Variants in SPTBN4 observed in about 807,000 individuals in gnomAD.
SPTBN4 encodes the protein spectrin beta chain, non-erythrocytic 4.
Under a neutral mutation model 277.8 loss-of-function variants are expected in SPTBN4, and 96 were observed. The ratio of observed to expected loss-of-function variants is 0.35; its 90% CI spans 0.29 to 0.41. The LOEUF is 0.41. Ranked by LOEUF, SPTBN4 falls within the 10% of genes least tolerant of loss-of-function variation. SPTBN4 has a pLI of 1.00. For missense variants in SPTBN4, 3,006 were observed against 3,595.7 expected (o/e 0.84, Z 4.19); for synonymous variants, 1,481 against 1,580.3 (o/e 0.94, Z 1.49).
rs955707857 is a variant in SPTBN4 at position 40,534,560 on chromosome 19, G to T, written c.4359+217G>T. 7.1e-5 allele frequency: 43 copies of T among 608,998 alleles called. No individual in the cohort carries two copies. The East Asian group carries it at 1.3e-3, about 18-fold the overall frequency. The allele number at this position is 608,998 out of a possible 1,614,324, so 37.7% of individuals were successfully genotyped here. A position where few individuals can be genotyped will look rare whatever the true frequency, so the allele number is the denominator to read the frequency against. Reference sequence around the variant, plus strand: ...AAGGTATGGAGTACAAAGGGAAAAGGAAGGATCTAGAGCCACAAAGCAGTA... The same window carrying T: ...AAGGTATGGAGTACAAAGGGAAAAGTAAGGATCTAGAGCCACAAAGCAGTA... On this transcript the variant is annotated intron_variant, in intron 20 of 35. Coordinates refer to ENST00000598249, the MANE Select transcript of SPTBN4 (RefSeq NM_020971.3).
At position 40,489,989 on chromosome 19, in the gene SPTBN4, C is replaced by G; in HGVS notation, c.322-86C>G. On this transcript the variant is annotated intron_variant, in intron 3 of 35. Coordinates refer to ENST00000598249, the MANE Select transcript of SPTBN4 (RefSeq NM_020971.3). ...ACTCAGGGGGCGTGGCCACGGGAGG[C>G]GGGCTTCTTTGGAAGCTGCGGGGCC... is the stretch of plus-strand genomic sequence containing the variant. The G allele has an allele frequency of 5.0e-6, 7 of 1,398,684 alleles. No homozygotes were observed. In the South Asian group the frequency reaches 1.0e-4, roughly 21 times the overall value. 86.6% of individuals were successfully genotyped at this position (1,398,684 alleles called of 1,614,324 possible). A position where few individuals can be genotyped will look rare whatever the true frequency, so the allele number is the denominator to read the frequency against.
chr19:40,543,421 C>A (rs937559902), intron 20 of SPTBN4, among the ~76,000 whole-genome samples: 7 of 152,002 alleles, frequency 4.6e-5, no homozygotes, highest in African/African-American at 1.4e-4. Context: ...ACCCATGACT[C>A]TCTAGGTTTC....
intron 19 of SPTBN4, 91 bp downstream of exon 19, chr19:40,532,862 C>T: frequency 6.8e-7 from 1 of 1,460,152 alleles, no homozygotes; most frequent in South Asian, 1.4e-5. Flanking sequence ...TGCTGCCATC[C>T]TGCTGGTCTT....
intron 22 of SPTBN4, among the ~76,000 whole-genome samples, chr19:40,551,520 GGGGGC>G (rs1359398759): frequency 6.6e-6 from 1 of 152,156 alleles, no homozygotes; most frequent in Non-Finnish European, 1.5e-5. Context: ...AGGTGGGGGA[GGGGGC>G]CTTTGAGCTC....
intron 33 of SPTBN4, chr19:40,570,949 G>A: frequency 1.9e-6 from 1 of 532,340 alleles, no homozygotes; most frequent in Non-Finnish European, 3.3e-6. Flanking sequence ...CCAACCCGTG[G>A]GGGTAGTAGG....
At chr19:40,549,539 C>A in intron 21 of SPTBN4, 126 bp downstream of exon 21, 1 of 690,612 alleles carries the variant, frequency 1.4e-6, no homozygotes, top group Non-Finnish European at 2.3e-6. Context: ...AAGACGCATT[C>A]AGCCGTTCAC....
Position 40,557,339 on chromosome 19 carries a change from G to T in SPTBN4, c.5606G>T (p.Ser1869Ile), listed in dbSNP as rs770497687. 3 of 1,611,580 alleles carry T rather than the reference G, an allele frequency of 1.9e-6. No homozygotes were observed. The highest frequency in any genetic ancestry group is 1.7e-4 in the Middle Eastern group (1 of 6,042). ...RLTTPPEPRP[S>I]ASSMQRTLRA... The stretch of plus-strand genomic sequence containing the variant: ...ACCACCCCGCCTGAGCCGAGACCCA[G>T]TGCCAGTTCCATGCAGCGGACCCTG... Residue 1869 changes from serine (S) to isoleucine (I), a missense_variant, in exon 26 of 36, where the codon AGT becomes ATT. Coordinates refer to ENST00000598249, the MANE Select transcript of SPTBN4 (RefSeq NM_020971.3).
intron 27 of SPTBN4, among the ~76,000 whole-genome samples, chr19:40,562,887 C>T (rs1041001884): frequency 4.0e-5 from 6 of 151,858 alleles, no homozygotes; most frequent in Admixed American, 6.6e-5. Context: ...ACATGTGTAT[C>T]GTGAACACTT....
chr19:40,496,180 C>T (rs2080195031), intron 6 of SPTBN4, among the ~76,000 whole-genome samples: 1 of 152,148 alleles, frequency 6.6e-6, no homozygotes, highest in African/African-American at 2.4e-5. Flanking sequence ...GGGTGAGTCT[C>T]ACTCTGTCCC....
chr19:40,530,424 G>C, intron 18 of SPTBN4: 1 of 858,438 alleles, frequency 1.2e-6, no homozygotes. Context: ...GAGGCAGGCA[G>C]GGGGCGCACG....
chr19:40,556,682 T>C lies in SPTBN4; in HGVS notation c.5290-341T>C, dbSNP rs560863355. On this transcript the variant is annotated intron_variant, in intron 25 of 35. Coordinates refer to ENST00000598249, the MANE Select transcript of SPTBN4 (RefSeq NM_020971.3). ...GGCTCATGCCTGTAATCCCAACACTTTGGGAGGCCAAGGCAGGTGGATCAC... is the reference window on the plus strand; with the variant it reads ...GGCTCATGCCTGTAATCCCAACACTCTGGGAGGCCAAGGCAGGTGGATCAC... Among the ~76,000 whole-genome samples the C allele has an allele frequency of 5.9e-5, 9 of 152,140 alleles. No individual in the cohort carries two copies. In the East Asian group the frequency reaches 1.4e-3, roughly 23 times the overall value.
intron 20 of SPTBN4, among the ~76,000 whole-genome samples, chr19:40,542,364 G>A (rs915198221): frequency 6.6e-6 from 1 of 152,040 alleles, no homozygotes; most frequent in Non-Finnish European, 1.5e-5. Flanking sequence ...TCCTGGCCAC[G>A]TGACCCAGAA....
rs769327175 is a variant in SPTBN4, at chr19:40,570,609, C to A, written c.7200C>A (p.Ser2400=). 7 of 1,396,198 alleles carry A rather than the reference C, an allele frequency of 5.0e-6. No homozygotes were observed. The highest frequency in any genetic ancestry group is 6.5e-6 in the Non-Finnish European group (7 of 1,074,638). 86.5% of individuals were successfully genotyped at this position (1,396,198 alleles called of 1,614,324 possible). A position where few individuals can be genotyped will look rare whatever the true frequency, so the allele number is the denominator to read the frequency against. ...GEGGGSRRSR[S]APAQGGSAPA... ...GCGGGGGAAGCCGGCGCTCGCGCTC[C>A]GCCCCGGCCCAGGGCGGCTCCGCCC... Residue 2400 remains serine (S), a synonymous_variant, in exon 33 of 36, where the codon TCC becomes TCA. Coordinates refer to ENST00000598249, the MANE Select transcript of SPTBN4 (RefSeq NM_020971.3).
Position 40,556,099 on chromosome 19 carries a change from G to T in SPTBN4, c.5100G>T (p.Arg1700=). The part of the protein sequence containing the change: ...MGHPDSEQIS[R]RQSQVDRLYV... ...CCCCCTTCAGCGAGCAGATCAGCCG[G>T]CGGCAGTCTCAGGTGGACCGCCTGT... The change falls in exon 25 of 36, where the codon CGG becomes CGT. Residue 1700 remains arginine, a synonymous_variant. Coordinates refer to ENST00000598249, the MANE Select transcript of SPTBN4 (RefSeq NM_020971.3). 6.2e-7 allele frequency: 1 copy of T among 1,611,330 alleles called. No individual in the cohort carries two copies. The highest frequency in any genetic ancestry group is 8.5e-7 in the Non-Finnish European group (1 of 1,179,442).
intron 13 of SPTBN4, among the ~76,000 whole-genome samples, chr19:40,506,920 G>T (rs188303061): frequency 3.9e-4 from 59 of 152,304 alleles, no homozygotes; most frequent in African/African-American, 1.4e-3. Context: ...GGAATTGGAG[G>T]CTTCAGTGAG....
chr19:40,489,855 G>A (rs566895534), intron 3 of SPTBN4, among the ~76,000 whole-genome samples: 4 of 152,310 alleles, frequency 2.6e-5, no homozygotes, highest in African/African-American at 7.2e-5. Context: ...AAACCTTGAA[G>A]GGATGTGATT....
rs566130004 is a variant in SPTBN4, at chr19:40,566,056, C to G, written c.6140-107C>G. Reference sequence around the variant, plus strand: ...CCTGCAGAGCCCAGGATGGTCAGGGCTCGGGTATGGAAAGCCGGAGGGGTG... The same window carrying G: ...CCTGCAGAGCCCAGGATGGTCAGGGGTCGGGTATGGAAAGCCGGAGGGGTG... On this transcript the variant is annotated intron_variant, in intron 29 of 35. Transcript: ENST00000598249. The G allele has an allele frequency of 4.9e-6, 6 of 1,219,608 alleles. No homozygotes were observed. The African/African-American group carries it at 9.2e-5, about 19-fold the overall frequency. The allele number at this position is 1,219,608 out of a possible 1,614,324, so 75.5% of individuals were successfully genotyped here. A position where few individuals can be genotyped will look rare whatever the true frequency, so the allele number is the denominator to read the frequency against.
At position 40,504,147 on chromosome 19, in the gene SPTBN4, G is replaced by GCCCCCCCCTC; in HGVS notation, c.1665+16_1665+17insCCCCCCCTCC. On this transcript the variant is annotated intron_variant, in intron 12 of 35. Transcript: ENST00000598249. ...AGGAGATGCAGGTGCCGGCGGGGGG[G>GCCCCCCCCTC]CGGGGATGCGGGTGGAGTGCCAGGA... The GCCCCCCCCTC allele has an allele frequency of 9.5e-7, 1 of 1,047,672 alleles. No individual in the cohort carries two copies. Among genetic ancestry groups the GCCCCCCCCTC allele is most frequent in the Non-Finnish European group, 1.4e-6 (1 of 706,054 alleles). The allele number at this position is 1,047,672 out of a possible 1,614,324, so 64.9% of individuals were successfully genotyped here. A position where few individuals can be genotyped will look rare whatever the true frequency, so the allele number is the denominator to read the frequency against.
intron 20 of SPTBN4, among the ~76,000 whole-genome samples, chr19:40,536,884 C>G (rs1303799078): frequency 2.0e-5 from 3 of 152,060 alleles, no homozygotes; most frequent in Non-Finnish European, 4.4e-5. Flanking sequence ...CTCTGGGGCT[C>G]AAGTGATGCT....
Sources: allele counts gnomAD v4.1 joint callset (sites outside exome capture counted in the v4.1 genomes callset), GRCh38; gene constraint gnomAD v4.1.1; transcripts MANE v1.5; gene names NCBI Gene and HGNC (gene_info 2026-07-23, HGNC 2026-07-21).